CSMD1: variants seen among roughly 807,000 people sequenced by gnomAD.
CSMD1 encodes CUB and Sushi multiple domains 1.
CSMD1 carries 213 observed loss-of-function variants against 417.5 expected under a neutral mutation model. That is an observed-to-expected ratio of 0.51 (90% CI 0.46 to 0.57). CSMD1 has a LOEUF of 0.57. Among genes scored for constraint, CSMD1 ranks in the 20% least tolerant of loss-of-function variants. The pLI is 0.00. For missense variants in CSMD1, 6,923 were observed against 4,529.7 expected (o/e 1.53, Z -15.17); for synonymous variants, 2,862 against 1,736.8 (o/e 1.65, Z -16.11).
intron 12 of CSMD1, among the ~76,000 whole-genome samples, chr8:3,451,819 G>A (rs1406865085): frequency 5.3e-5 from 8 of 152,086 alleles, no homozygotes; most frequent in Non-Finnish European, 1.2e-4. Context: ...GGTTCCATAT[G>A]AACTTTAAAG....
chr8:3,196,758 C>A (rs1198006262), intron 33 of CSMD1, among the ~76,000 whole-genome samples: 1 of 152,200 alleles, frequency 6.6e-6, no homozygotes, highest in East Asian at 1.9e-4. Context: ...GGTCACTCAT[C>A]TCAGTCTCCA....
chr8:3,263,969 T>G lies in CSMD1; in HGVS notation c.4153+20175A>C, dbSNP rs1174812690. Among the ~76,000 whole-genome samples, 3 of 152,352 alleles carry G rather than the reference T, an allele frequency of 2.0e-5. No individual in the cohort carries two copies. The East Asian group carries it at 5.8e-4, about 29-fold the overall frequency. ...ACTTTGAATGCAGCATAAAATTCTA[T>G]TTTTTGCATCCTCATGAAACTGAAA... is the stretch of plus-strand genomic sequence containing the variant. On this transcript the variant is annotated intron_variant, in intron 26 of 69. Coordinates refer to ENST00000635120, the MANE Select transcript of CSMD1 (RefSeq NM_033225.6).
chr8:2,960,939 G>GATATATATATATATATATATATAT (rs3076013), intron 62 of CSMD1, among the ~76,000 whole-genome samples: 16 of 122,018 alleles, frequency 1.3e-4, no homozygotes, highest in East Asian at 5.5e-4. Context: ...TAGTAAGCAA[G>GATATATATATATATATATATATAT]ATATATATAT....
intron 5 of CSMD1, among the ~76,000 whole-genome samples, chr8:3,903,890 C>T (rs149208801): frequency 1.0e-3 from 155 of 151,990 alleles, no homozygotes; most frequent in African/African-American, 3.6e-3. Context: ...ATTTTTTTAC[C>T]TCCACAGGAC....
chr8:4,021,159 G>C (rs1019511870), intron 4 of CSMD1, among the ~76,000 whole-genome samples: 2 of 152,296 alleles, frequency 1.3e-5, no homozygotes, highest in South Asian at 4.1e-4. Flanking sequence ...TCATGAGCAC[G>C]TGAAATGTGG....
intron 41 of CSMD1, among the ~76,000 whole-genome samples, chr8:3,126,080 AC>A (rs1248952737): frequency 6.6e-6 from 1 of 152,194 alleles, no homozygotes; most frequent in East Asian, 1.9e-4. Flanking sequence ...TAGGTGAGGC[AC>A]CCTGGTGTGA....
chr8:3,755,524 G>C (rs2720866), intron 5 of CSMD1, among the ~76,000 whole-genome samples: 15 of 152,264 alleles, frequency 9.9e-5, no homozygotes, highest in East Asian at 7.7e-4. Flanking sequence ...GTGGTGCTGC[G>C]TGTGGGCCTG....
At chr8:4,729,541 T>C (rs1021304289) in intron 1 of CSMD1, among the ~76,000 whole-genome samples, 1 of 152,220 alleles carries the variant, frequency 6.6e-6, no homozygotes. Context: ...TTTTATGCTG[T>C]TGAGAATGAT....
chr8:4,279,342 A>T (rs936808170), intron 3 of CSMD1, among the ~76,000 whole-genome samples: 1 of 152,200 alleles, frequency 6.6e-6, no homozygotes, highest in African/African-American at 2.4e-5. Context: ...GACTAGACAG[A>T]TACAGGTGGC....
chr8:3,311,267 T>C (rs77592789), intron 23 of CSMD1, among the ~76,000 whole-genome samples: 2,097 of 152,254 alleles, frequency 0.014, 59 homozygotes, highest in African/African-American at 0.047. Context: ...ACTTTTTTTT[T>C]TGGAAATGCA....
chr8:4,133,297 T>C (rs897289502), intron 3 of CSMD1, among the ~76,000 whole-genome samples: 6 of 152,224 alleles, frequency 3.9e-5, no homozygotes, highest in African/African-American at 1.4e-4. Flanking sequence ...CTTAAAAGTC[T>C]AAGTTTATAC....
intron 37 of CSMD1, among the ~76,000 whole-genome samples, chr8:3,165,259 C>T (rs959339015): frequency 6.6e-6 from 1 of 151,934 alleles, no homozygotes; most frequent in African/African-American, 2.4e-5. Flanking sequence ...TTTAAACCTG[C>T]TACTATATTA....
intron 7 of CSMD1, among the ~76,000 whole-genome samples, chr8:3,642,618 G>C (rs888334645): frequency 6.6e-6 from 1 of 152,196 alleles, no homozygotes; most frequent in African/African-American, 2.4e-5. Context: ...ACCTGGCATC[G>C]TGAGTGGAAG....
chr8:3,265,664 G>C (rs571909126), intron 26 of CSMD1, among the ~76,000 whole-genome samples: 1 of 152,196 alleles, frequency 6.6e-6, no homozygotes, highest in Non-Finnish European at 1.5e-5. Flanking sequence ...ACATGAGGTC[G>C]TGCTAGGATT....
chr8:4,253,467 G>A (rs1273868402), intron 3 of CSMD1, among the ~76,000 whole-genome samples: 1 of 152,024 alleles, frequency 6.6e-6, no homozygotes, highest in African/African-American at 2.4e-5. Flanking sequence ...ATAAACATTT[G>A]TTGTTTAAGT....
At chr8:4,106,481 C>G (rs1011565383) in intron 3 of CSMD1, among the ~76,000 whole-genome samples, 2 of 152,056 alleles carry the variant, frequency 1.3e-5, no homozygotes, top group Admixed American at 1.3e-4. Flanking sequence ...CTGCATTGCT[C>G]TTGAGTAACC....
chr8:3,600,584 A>G (rs1801314506), intron 8 of CSMD1, among the ~76,000 whole-genome samples: 1 of 152,092 alleles, frequency 6.6e-6, no homozygotes, highest in African/African-American at 2.4e-5. Flanking sequence ...TTGCCAGTAT[A>G]TTCTCTACGA....
chr8:4,980,280 G>A (rs531830699), intron 1 of CSMD1, among the ~76,000 whole-genome samples: 1 of 152,164 alleles, frequency 6.6e-6, no homozygotes, highest in Non-Finnish European at 1.5e-5. Flanking sequence ...TTCCTAGCAT[G>A]CTGCTCTTCC....
At chr8:4,880,691 G>C (rs977482835) in intron 1 of CSMD1, among the ~76,000 whole-genome samples, 3 of 152,010 alleles carry the variant, frequency 2.0e-5, no homozygotes, top group African/African-American at 4.8e-5. Context: ...TGCCGTGCCT[G>C]TTCTGCCCAT....
Sources: allele counts gnomAD v4.1 joint callset (sites outside exome capture counted in the v4.1 genomes callset), GRCh38; gene constraint gnomAD v4.1.1; transcripts MANE v1.5; gene names NCBI Gene and HGNC (gene_info 2026-07-23, HGNC 2026-07-21).